The following PRR5 variants were observed in gnomAD, a reference collection of about 807,000 sequenced individuals.
The protein encoded by PRR5 is proline rich 5, also known as proline-rich protein 5.
Under a neutral mutation model 30.6 loss-of-function variants are expected in PRR5, and 25 were observed. The observed-to-expected ratio is 0.82, with a 90% CI of 0.60 to 1.14. The LOEUF (loss-of-function observed/expected upper bound fraction) is 1.14. Ranked by LOEUF, PRR5 falls within the 50% of genes most tolerant of loss-of-function variation. The pLI, the probability that PRR5 is intolerant of heterozygous loss-of-function variation, is 0.00. For missense variants in PRR5, 600 were observed against 547.1 expected (o/e 1.10, Z -0.96); for synonymous variants, 286 against 247.1 (o/e 1.16, Z -1.48).
chr22:44,729,742 G>A, intron 4 of PRR5: 1 of 985,496 alleles, frequency 1.0e-6, no homozygotes, highest in South Asian at 4.7e-5. Flanking sequence ...GTCACCGTGT[G>A]GCTCCAGCTG....
chr22:44,702,315 G>GCGCGGGGCCGGGGCGGGACCC lies in PRR5; in HGVS notation c.-156_-136dup. On this transcript the variant is annotated 5_prime_UTR_variant, in exon 1 of 8. Transcript: ENST00000336985. ...GGCCGGCGCGGGACCCGAGACGGAGGCGCGGGGCCGGGGCGGGACCCCGCA... is the reference window on the plus strand; with the variant it reads ...GGCCGGCGCGGGACCCGAGACGGAGGCGCGGGGCCGGGGCGGGACCCCGCGGGGCCGGGGCGGGACCCCGCA... The GCGCGGGGCCGGGGCGGGACCC allele has an allele frequency of 8.7e-7, 1 of 1,147,598 alleles. No individual in the cohort carries two copies. Among genetic ancestry groups the GCGCGGGGCCGGGGCGGGACCC allele is most frequent in the Non-Finnish European group, 1.1e-6 (1 of 927,250 alleles). The allele number at this position is 1,147,598 out of a possible 1,614,324, so 71.1% of individuals were successfully genotyped here.
chr22:44,732,768 CAT>C (rs1282125258), intron 6 of PRR5, among the ~76,000 whole-genome samples: 2 of 146,552 alleles, frequency 1.4e-5, no homozygotes, highest in African/African-American at 2.7e-5. Context: ...ACGCTACACA[CAT>C]GCCTGTGTGC....
At chr22:44,710,859 G>C (rs866720953) in intron 1 of PRR5, among the ~76,000 whole-genome samples, 11 of 152,288 alleles carry the variant, frequency 7.2e-5, no homozygotes, top group South Asian at 4.1e-4. Context: ...GCCTCTCCCT[G>C]TAGCTTCACA....
chr22:44,710,712 G>A (rs538419915), intron 1 of PRR5, among the ~76,000 whole-genome samples: 1 of 152,204 alleles, frequency 6.6e-6, no homozygotes, highest in Admixed American at 6.5e-5. Flanking sequence ...GGTCCTGGGT[G>A]TGGGGGAGGG....
intron 1 of PRR5, among the ~76,000 whole-genome samples, chr22:44,712,150 T>C (rs1214113550): frequency 6.6e-6 from 1 of 152,094 alleles, no homozygotes; most frequent in Admixed American, 6.5e-5. Context: ...GGTGGCGCTC[T>C]CACGATTCCT....
chr22:44,715,621 G>A (rs919618423), intron 2 of PRR5, among the ~76,000 whole-genome samples: 3 of 152,108 alleles, frequency 2.0e-5, no homozygotes, highest in East Asian at 1.9e-4. Flanking sequence ...GGAAACAGGA[G>A]CCTAAAGGAT....
At chr22:44,675,702 G>A (rs1039962470), upstream of PRR5, among the ~76,000 whole-genome samples, 11 of 152,186 alleles carry the variant, frequency 7.2e-5, no homozygotes, top group African/African-American at 2.4e-4. Flanking sequence ...GAGATGGGAT[G>A]TGAAGTGTCT....
chr22:44,675,796 T>TTATTATTATTATTAC (rs1289110495), upstream of PRR5, among the ~76,000 whole-genome samples: 1 of 146,354 alleles, frequency 6.8e-6, no homozygotes, highest in Non-Finnish European at 1.5e-5. Flanking sequence ...ATTATTATTA[T>TTATTATTATTATTAC]TACTTAGGTC....
At chr22:44,699,169 G>A (rs908091576), upstream of PRR5, among the ~76,000 whole-genome samples, 1 of 152,110 alleles carries the variant, frequency 6.6e-6, no homozygotes, top group Non-Finnish European at 1.5e-5. Flanking sequence ...CTGGCTGGCC[G>A]CTTCTCCCAG....
chr22:44,736,914 C>T lies in PRR5; in HGVS notation c.834C>T (p.Ile278=), dbSNP rs548581539. 1.9e-6 allele frequency: 3 copies of T among 1,608,440 alleles called. No individual in the cohort carries two copies. The highest frequency in any genetic ancestry group is 2.2e-5 in the East Asian group (1 of 44,828). The change falls in exon 8 of 8, where the codon ATC becomes ATT. Residue 278 remains isoleucine (I), a synonymous_variant. Coordinates refer to ENST00000336985, the MANE Select transcript of PRR5 (RefSeq NM_181333.4). ...AEGAAAGGTS[I]RRHSVSEMTS... is the part of the protein sequence containing the mutation. ...GCGCGGCGGCCGGCGGTACCAGCAT[C>T]CGCAGGCACTCTGTGTCGGAGATGA... is the stretch of plus-strand genomic sequence containing the variant.
At chr22:44,681,860 C>A (rs1924319970) in intron 1 of PRR5, among the ~76,000 whole-genome samples, 1 of 152,196 alleles carries the variant, frequency 6.6e-6, no homozygotes, top group Admixed American at 6.5e-5. Context: ...GTTCAGAGGT[C>A]CCTGTGGCCA....
At chr22:44,682,262 C>T (rs557072377) in intron 1 of PRR5, among the ~76,000 whole-genome samples, 2 of 152,342 alleles carry the variant, frequency 1.3e-5, no homozygotes, top group East Asian at 1.9e-4. Flanking sequence ...GGCAGTGTCA[C>T]GGTCACTGAG....
chr22:44,670,135 A>G (rs1923340701), intron 1 of PRR5, among the ~76,000 whole-genome samples: 1 of 152,222 alleles, frequency 6.6e-6, no homozygotes, highest in Admixed American at 6.5e-5. Context: ...TGAGGGGGAC[A>G]AAGTCATCTA....
rs774617879 is a variant in PRR5 at position 44,726,652 on chromosome 22, G to C, written c.322+18G>C. ...CTATGAGGGTGAGTGTGGGCCCCTT[G>C]GCGGCCACTCTGGGCCATGCTGGGT... On this transcript the variant is annotated intron_variant, in intron 4 of 7. Transcript: ENST00000336985. 1.9e-6 allele frequency: 3 copies of C among 1,613,844 alleles called. No individual in the cohort carries two copies. Among genetic ancestry groups the C allele is most frequent in the Non-Finnish European group, 8.5e-7 (1 of 1,180,038 alleles).
At chr22:44,704,162 C>G (rs1249936664) in intron 1 of PRR5, among the ~76,000 whole-genome samples, 1 of 152,186 alleles carries the variant, frequency 6.6e-6, no homozygotes, top group Non-Finnish European at 1.5e-5. Context: ...ATAGTAAGTC[C>G]TCTGTACCTC....
intron 4 of PRR5, chr22:44,730,129 G>T (rs958610190): frequency 4.9e-5 from 48 of 985,018 alleles, no homozygotes; most frequent in Non-Finnish European, 5.4e-5. Flanking sequence ...CACTCCTAGT[G>T]CCCTCGAACC....
At chr22:44,702,127 A>C (rs190698485), upstream of PRR5, 16,086 of 194,108 alleles carry the variant, frequency 0.083, 1,087 homozygotes, top group African/African-American at 0.21. Flanking sequence ...CCCGCCCGCG[A>C]TGCCCCCGCC....
chr22:44,709,138 G>A (rs1405068121), intron 1 of PRR5, among the ~76,000 whole-genome samples: 16 of 152,224 alleles, frequency 1.1e-4, no homozygotes, highest in African/African-American at 3.4e-4. Context: ...ATGGGGGCCT[G>A]GGGCCAGTGA....
chr22:44,692,080 G>A (rs976818431), intron 1 of PRR5, among the ~76,000 whole-genome samples: 1 of 151,928 alleles, frequency 6.6e-6, no homozygotes. Flanking sequence ...TTGGAGGAGC[G>A]ATGAAAGAAC....
Sources: gnomAD v4.1 joint callset for allele counts (sites outside exome capture counted in the v4.1 genomes callset) on GRCh38, gnomAD v4.1.1 for gene constraint, MANE v1.5 for transcripts, NCBI Gene and HGNC (gene_info 2026-07-23, HGNC 2026-07-21) for gene names.